The following SLC14A2 variants were observed in gnomAD, a reference collection of about 807,000 sequenced individuals.
SLC14A2 encodes solute carrier family 14 member 2, also known as urea transporter 2.
A neutral mutation model predicts 104.6 loss-of-function variants in SLC14A2; 91 were observed. The ratio of observed to expected loss-of-function variants is 0.87; its 90% confidence interval spans 0.73 to 1.04. SLC14A2 has a LOEUF of 1.04. Among genes scored for constraint, SLC14A2 ranks in the 50% least tolerant of loss-of-function variants. The pLI, the probability that SLC14A2 is intolerant of heterozygous loss-of-function variation, is 0.00. For synonymous variants in SLC14A2, 476 were observed against 466.4 expected, an observed-to-expected ratio of 1.02 and a Z score of -0.27; for missense variants, 1,189 against 1,156.0, an observed-to-expected ratio of 1.03 and a Z score of -0.41.
chr18:45,629,765 G>A (rs1239439234), intron 4 of SLC14A2, among the ~76,000 whole-genome samples: 5 of 152,168 alleles, frequency 3.3e-5, no homozygotes, highest in Non-Finnish European at 7.3e-5. Flanking sequence ...CACCAGGCAT[G>A]CCTAATCCTC....
chr18:45,310,362 C>T lies in SLC14A2; in HGVS notation c.-125+97171C>T, dbSNP rs111270568. On this transcript the variant is annotated intron_variant, in intron 1 of 20. Coordinates refer to the SLC14A2 transcript ENST00000586448. Reference sequence around the variant, plus strand: ...ACCCACACTTAGTTGTATCATACTTCGCCAGCCTGATAGGTATGATCATCA... The same window carrying T: ...ACCCACACTTAGTTGTATCATACTTTGCCAGCCTGATAGGTATGATCATCA... 5.8e-3 allele frequency among the ~76,000 whole-genome samples: 885 copies of T among 152,314 alleles called. 8 individuals carry two copies. The highest frequency in any genetic ancestry group is 0.019 in the African/African-American group (790 of 41,558).
At chr18:45,474,373 A>G (rs879121377) in intron 1 of SLC14A2, among the ~76,000 whole-genome samples, 4 of 152,196 alleles carry the variant, frequency 2.6e-5, no homozygotes, top group African/African-American at 9.7e-5. Flanking sequence ...TTTTGGTATC[A>G]GGATGATGTT....
intron 1 of SLC14A2, among the ~76,000 whole-genome samples, chr18:45,295,212 A>G (rs1405606278): frequency 6.6e-6 from 1 of 152,134 alleles, no homozygotes; most frequent in East Asian, 1.9e-4. Flanking sequence ...TGTGATATAG[A>G]CCAATGATGG....
At chr18:45,571,688 T>C (rs2044347857) in intron 2 of SLC14A2, among the ~76,000 whole-genome samples, 1 of 152,202 alleles carries the variant, frequency 6.6e-6, no homozygotes, top group African/African-American at 2.4e-5. Flanking sequence ...TTTTCTTCTC[T>C]GGGTCCATAT....
intron 1 of SLC14A2, among the ~76,000 whole-genome samples, chr18:45,283,576 T>C (rs968145283): frequency 1.3e-5 from 2 of 152,242 alleles, no homozygotes; most frequent in Non-Finnish European, 2.9e-5. Flanking sequence ...CTCATTAATA[T>C]GATGTGTGAA....
At chr18:45,589,287 G>T (rs1237129911) in intron 2 of SLC14A2, among the ~76,000 whole-genome samples, 2 of 151,358 alleles carry the variant, frequency 1.3e-5, no homozygotes, top group African/African-American at 4.9e-5. Context: ...AGTTTTGGGG[G>T]TGGGGAGCTG....
rs1395479035 is a variant in SLC14A2, at chr18:45,624,707, T to A, written c.43T>A (p.Ser15Thr). 1 of 1,613,344 alleles carries A rather than the reference T, an allele frequency of 6.2e-7. No homozygotes were observed. Among genetic ancestry groups the A allele is most frequent in the Non-Finnish European group, 8.5e-7 (1 of 1,179,710 alleles). The change falls in exon 2 of 20, where the codon TCC (serine) becomes ACC (threonine). Residue 15 changes from serine to threonine, a missense_variant. Transcript: ENST00000255226. ...HSSPLLPEPL[S>T]SRYKLYEAEF... ...CAGTCCTCTCCTGCCAGAGCCACTT[T>A]CCAGCAGATACAAACTCTACGAGGC...
At chr18:45,592,707 G>C (rs996151742) in intron 2 of SLC14A2, among the ~76,000 whole-genome samples, 2 of 152,214 alleles carry the variant, frequency 1.3e-5, no homozygotes, top group African/African-American at 4.8e-5. Flanking sequence ...CTGTCTGGCT[G>C]TCTCTGGCAA....
At chr18:45,320,803 C>G (rs1339758583) in intron 1 of SLC14A2, among the ~76,000 whole-genome samples, 1 of 152,150 alleles carries the variant, frequency 6.6e-6, no homozygotes, top group Non-Finnish European at 1.5e-5. Context: ...AAGAACCCCC[C>G]AAAATTCAGT....
chr18:45,426,583 G>GTA (rs2098552645), intron 1 of SLC14A2, among the ~76,000 whole-genome samples: 3 of 147,070 alleles, frequency 2.0e-5, no homozygotes, highest in East Asian at 2.0e-4. Flanking sequence ...CATATATATA[G>GTA]TATATATATA....
At chr18:45,650,643 C>T (rs781717536) in intron 10 of SLC14A2, among the ~76,000 whole-genome samples, 1 of 152,206 alleles carries the variant, frequency 6.6e-6, no homozygotes, top group Non-Finnish European at 1.5e-5. Context: ...ATTTACCTGG[C>T]CAGGTGAATA....
At chr18:45,650,649 G>A (rs770166427) in intron 10 of SLC14A2, among the ~76,000 whole-genome samples, 3 of 152,228 alleles carry the variant, frequency 2.0e-5, no homozygotes, top group Non-Finnish European at 4.4e-5. Flanking sequence ...CTGGCCAGGT[G>A]AATAGTCTCA....
intron 1 of SLC14A2, among the ~76,000 whole-genome samples, chr18:45,271,599 G>A (rs891116258): frequency 6.6e-6 from 1 of 151,938 alleles, no homozygotes; most frequent in Non-Finnish European, 1.5e-5. Flanking sequence ...AAAAAGAAGT[G>A]AAAGAATTCT....
chr18:45,536,797 G>A (rs940119800), intron 2 of SLC14A2, among the ~76,000 whole-genome samples: 2 of 152,170 alleles, frequency 1.3e-5, no homozygotes, highest in African/African-American at 4.8e-5. Context: ...CACATTGTAA[G>A]GGCAATGAAA....
intron 10 of SLC14A2, among the ~76,000 whole-genome samples, chr18:45,649,632 A>G: frequency 6.6e-6 from 1 of 152,232 alleles, no homozygotes; most frequent in East Asian, 1.9e-4. Context: ...TTCTTCAAGT[A>G]ATATATGAGA....
At chr18:45,427,240 C>T (rs183461437) in intron 1 of SLC14A2, among the ~76,000 whole-genome samples, 2 of 150,146 alleles carry the variant, frequency 1.3e-5, no homozygotes, top group Admixed American at 6.7e-5. Context: ...TTGAATTCTT[C>T]TATTAGTAGG....
At chr18:45,583,531 T>G (rs2044527487) in intron 2 of SLC14A2, among the ~76,000 whole-genome samples, 1 of 152,132 alleles carries the variant, frequency 6.6e-6, no homozygotes, top group African/African-American at 2.4e-5. Flanking sequence ...TCTAAAACAG[T>G]TCCGTATACA....
rs1599179664 is a variant in SLC14A2 at position 45,682,779 on chromosome 18, G to A, written c.*260G>A. The A allele has an allele frequency of 2.4e-6, 1 of 423,976 alleles. No homozygotes were observed. The highest frequency in any genetic ancestry group is 4.7e-5 in the East Asian group (1 of 21,094). The allele number at this position is 423,976 out of a possible 1,614,324, so 26.3% of individuals were successfully genotyped here. ...CTTTGTGGGGAACTTGCCCTCTTCTGCGAAATAAGCCTCATCCTTAAAGAG... is the reference window on the plus strand; with the variant it reads ...CTTTGTGGGGAACTTGCCCTCTTCTACGAAATAAGCCTCATCCTTAAAGAG... On this transcript the variant is annotated 3_prime_UTR_variant, in exon 20 of 20. Transcript: ENST00000255226.
chr18:45,654,267 A>G (rs1157972659), intron 10 of SLC14A2, among the ~76,000 whole-genome samples: 1 of 152,120 alleles, frequency 6.6e-6, no homozygotes, highest in Non-Finnish European at 1.5e-5. Context: ...GTGAATTTAT[A>G]GCAAGTCAGA....
Sources: allele counts gnomAD v4.1 joint callset (sites outside exome capture counted in the v4.1 genomes callset), GRCh38; gene constraint gnomAD v4.1.1; transcripts MANE v1.5; gene names NCBI Gene and HGNC (gene_info 2026-07-23, HGNC 2026-07-21).